GALE: variants seen among roughly 807,000 people sequenced by gnomAD.
GALE encodes UDP-glucose 4-epimerase.
A neutral mutation model predicts 44.1 loss-of-function variants in GALE; 32 were observed. That is an observed-to-expected ratio of 0.73 (90% CI 0.55 to 0.97). The LOEUF (loss-of-function observed/expected upper bound fraction) is 0.97, where lower values mean the gene tolerates loss of function less well. Ranked by LOEUF, GALE falls within the 50% of genes least tolerant of loss-of-function variation. The pLI, the probability that GALE is intolerant of heterozygous loss-of-function variation, is 0.00. For missense variants in GALE, 423 were observed against 455.6 expected (o/e 0.93, Z 0.65); for synonymous variants, 182 against 183.5 (o/e 0.99, Z 0.06).
chr1:23,797,761 G>T lies in GALE; in HGVS notation c.462C>A (p.Thr154=). Residue 154 remains threonine, a synonymous_variant, in exon 6 of 12, where the codon ACC becomes ACA. Coordinates refer to ENST00000617979, the MANE Select transcript of GALE (RefSeq NM_001008216.2). ...AGAACTTGGACTTGCCGTAAGGGTT[G>T]GTACAACCACCCGTGGGGTGGGCCT... is the stretch of plus-strand genomic sequence containing the variant. ...LDEAHPTGGC[T]NPYGKSKFFI... 2 of 1,614,160 alleles carry T rather than the reference G, an allele frequency of 1.2e-6. No homozygotes were observed. The highest frequency in any genetic ancestry group is 1.7e-6 in the Non-Finnish European group (2 of 1,179,998).
At position 23,795,751 on chromosome 1, in the gene GALE, A is replaced by G. The variant is rs539815479; in HGVS notation, c.*198T>C. The G allele has an allele frequency of 1.3e-4, 83 of 624,728 alleles. No homozygotes were observed. In the African/African-American group the frequency reaches 1.4e-3, roughly 11 times the overall value. 38.7% of individuals were successfully genotyped at this position (624,728 alleles called of 1,614,324 possible). ...CCTGATGAACTCTTGGACCCTGTGG[A>G]AGATAAGAGTTAGAGACCTCGGCCT... is the stretch of plus-strand genomic sequence containing the variant. On this transcript the variant is annotated 3_prime_UTR_variant, in exon 12 of 12. Coordinates refer to ENST00000617979, the MANE Select transcript of GALE (RefSeq NM_001008216.2).
At position 23,798,759 on chromosome 1, in the gene GALE, C is replaced by A. The variant is rs761451513; in HGVS notation, c.122-29G>T. The stretch of plus-strand genomic sequence containing the variant: ...GTAGGGTACATGTAGGCCACATCAT[C>A]ACGACATGGGGTGCTGTGTTCCCAG... On this transcript the variant is annotated intron_variant, in intron 3 of 11. Transcript: ENST00000617979. This position sits in a 1 kb window ranked among gnomAD's most constrained non-coding sequence, Gnocchi z 4.5. 6.2e-7 allele frequency: 1 copy of A among 1,609,190 alleles called. No individual in the cohort carries two copies.
chr1:23,800,285 C>A (rs1260471228), intron 1 of GALE: 2 of 153,008 alleles, frequency 1.3e-5, no homozygotes, highest in South Asian at 1.8e-4. Context: ...CGCCCCCGCC[C>A]CCGCCCCGCG....
chr1:23,795,658 T>C lies in GALE; in HGVS notation c.*291A>G, dbSNP rs938324754. ...ACTTTGGAAAGCTCTTTCAGAGCAATATAAATGAGTGCCTGGGAGGAGGAG... is the reference window on the plus strand; with the variant it reads ...ACTTTGGAAAGCTCTTTCAGAGCAACATAAATGAGTGCCTGGGAGGAGGAG... On this transcript the variant is annotated 3_prime_UTR_variant, in exon 12 of 12. Transcript: ENST00000617979. 8 of 568,592 alleles carry C rather than the reference T, an allele frequency of 1.4e-5. No individual in the cohort carries two copies. The highest frequency in any genetic ancestry group is 9.4e-5 in the African/African-American group (5 of 53,260). The allele number at this position is 568,592 out of a possible 1,614,324, so 35.2% of individuals were successfully genotyped here. A position where few individuals can be genotyped will look rare whatever the true frequency, so the allele number is the denominator to read the frequency against.
intron 6 of GALE, 38 bp from the exon 7 acceptor site, chr1:23,797,185 A>AG (rs1638987476): frequency 1.4e-6 from 2 of 1,437,116 alleles, no homozygotes; most frequent in African/African-American, 2.8e-5. Context: ...CCAGAGGCAC[A>AG]GGCAGCGTGT....
Position 23,798,052 on chromosome 1 carries a change from G to T in GALE, c.351+65C>A. 7.0e-7 allele frequency: 1 copy of T among 1,420,318 alleles called. No individual in the cohort carries two copies. Among genetic ancestry groups the T allele is most frequent in the Non-Finnish European group, 1.0e-6 (1 of 1,003,126 alleles). 88.0% of individuals were successfully genotyped at this position (1,420,318 alleles called of 1,614,324 possible). On this transcript the variant is annotated intron_variant, in intron 5 of 11. Coordinates refer to ENST00000617979, the MANE Select transcript of GALE (RefSeq NM_001008216.2). This position sits in a 1 kb window ranked among gnomAD's most constrained non-coding sequence, Gnocchi z 4.5. ...CAGCTTGGGCTCTGTGTTTGGCACTGCCTGCCAGGCTGGGGTCCAGCTGGA... is the reference window on the plus strand; with the variant it reads ...CAGCTTGGGCTCTGTGTTTGGCACTTCCTGCCAGGCTGGGGTCCAGCTGGA...
At position 23,795,705 on chromosome 1, in the gene GALE, C is replaced by G. The variant is rs2148408463; in HGVS notation, c.*244G>C. On this transcript the variant is annotated 3_prime_UTR_variant, in exon 12 of 12. Transcript: ENST00000617979. Reference sequence around the variant, plus strand: ...GGAGGTTTTGTGCCAGAGCCTTGCCCCCTCACTCACTCTTGGGGGTCCTGA... The same window carrying G: ...GGAGGTTTTGTGCCAGAGCCTTGCCGCCTCACTCACTCTTGGGGGTCCTGA... 1 of 595,352 alleles carries G rather than the reference C, an allele frequency of 1.7e-6. No individual in the cohort carries two copies. Among genetic ancestry groups the G allele is most frequent in the East Asian group, 2.8e-5 (1 of 35,832 alleles). 36.9% of individuals were successfully genotyped at this position (595,352 alleles called of 1,614,324 possible).
rs200873266 is a variant in GALE at position 23,798,881 on chromosome 1, G to A, written c.121+6C>T. On this transcript the variant is annotated splice_donor_region_variant and intron_variant, in intron 3 of 11. Transcript: ENST00000617979. The surrounding 1 kb of genome is among the most constrained non-coding windows in gnomAD (Gnocchi z 4.5). ...CAAGTAGCCCCAGCCCCACTGCCCC[G>A]CTCACCACGGAAGGCATTATGGAAG... 3.9e-5 allele frequency: 63 copies of A among 1,614,096 alleles called. No individual in the cohort carries two copies. The African/African-American group carries it at 6.9e-4, about 18-fold the overall frequency.
Position 23,796,343 on chromosome 1 carries a change from G to A in GALE, c.874-78C>T. The stretch of plus-strand genomic sequence containing the variant: ...CTGGCCAGGTCTTTAAGAAGCAGAA[G>A]TGCAGAGCAGCGGCTGGCCCGCAGG... On this transcript the variant is annotated intron_variant, in intron 10 of 11. Coordinates refer to ENST00000617979, the MANE Select transcript of GALE (RefSeq NM_001008216.2). This position sits in a 1 kb window ranked among gnomAD's most constrained non-coding sequence, Gnocchi z 5.2. 6.7e-7 allele frequency: 1 copy of A among 1,489,190 alleles called. No homozygotes were observed. Among genetic ancestry groups the A allele is most frequent in the South Asian group, 1.1e-5 (1 of 88,256 alleles). 92.2% of individuals were successfully genotyped at this position (1,489,190 alleles called of 1,614,324 possible).
In GALE at chr1:23,798,800, A is replaced by G; in HGVS notation, c.122-70T>C. The G allele has an allele frequency of 1.9e-6, 3 of 1,610,942 alleles. No homozygotes were observed. The highest frequency in any genetic ancestry group is 2.5e-6 in the Non-Finnish European group (3 of 1,177,086). On this transcript the variant is annotated intron_variant, in intron 3 of 11. Coordinates refer to ENST00000617979, the MANE Select transcript of GALE (RefSeq NM_001008216.2). This position sits in a 1 kb window ranked among gnomAD's most constrained non-coding sequence, Gnocchi z 4.5. ...GTGTTCCCAGGGACTAGCCAGACAC[A>G]CATTCCCCGCCCGGTGGTGGAGGTG...
Position 23,796,604 on chromosome 1 carries a change from G to C in GALE, c.796-18C>G. On this transcript the variant is annotated intron_variant, in intron 9 of 11. Transcript: ENST00000617979. This position sits in a 1 kb window ranked among gnomAD's most constrained non-coding sequence, Gnocchi z 5.2. The stretch of plus-strand genomic sequence containing the variant: ...TTGTAGATCTGGCCCACGGAGAACA[G>C]GGTTTATGGAGCGGGCTGGACTGAC... 6.2e-7 allele frequency: 1 copy of C among 1,614,024 alleles called. No individual in the cohort carries two copies. Among genetic ancestry groups the C allele is most frequent in the Non-Finnish European group, 8.5e-7 (1 of 1,179,980 alleles).
At position 23,796,233 on chromosome 1, in the gene GALE, A is replaced by G; in HGVS notation, c.906T>C (p.Gly302=). The change falls in exon 11 of 12, where the codon GGT becomes GGC. Residue 302 remains glycine, a synonymous_variant. Coordinates refer to ENST00000617979, the MANE Select transcript of GALE (RefSeq NM_001008216.2). This position sits in a 1 kb window ranked among gnomAD's most constrained non-coding sequence, Gnocchi z 5.2. ...IPYKVVARRE[G]DVAACYANPS... ...GGTTGGCGTAACAGGCTGCCACATC[A>G]CCTTCCCGCCGTGCCACCACCTTGT... 1.9e-6 allele frequency: 3 copies of G among 1,612,646 alleles called. No individual in the cohort carries two copies. The highest frequency in any genetic ancestry group is 2.5e-6 in the Non-Finnish European group (3 of 1,179,280).
At position 23,796,139 on chromosome 1, in the gene GALE, G is replaced by A. The variant is rs1417359478; in HGVS notation, c.988+12C>T. On this transcript the variant is annotated intron_variant, in intron 11 of 11. Coordinates refer to ENST00000617979, the MANE Select transcript of GALE (RefSeq NM_001008216.2). The surrounding 1 kb of genome is among the most constrained non-coding windows in gnomAD (Gnocchi z 5.2). ...CCTGGCCCCTAACTGCAGGGGTCAG[G>A]CCAGCACTCACACATCCTGTCCAGC... The A allele has an allele frequency of 7.5e-6, 12 of 1,610,150 alleles. No individual in the cohort carries two copies. Among genetic ancestry groups the A allele is most frequent in the Non-Finnish European group, 1.0e-5 (12 of 1,176,462 alleles).
In GALE at chr1:23,795,885, T is replaced by C; in HGVS notation, c.*64A>G. The C allele has an allele frequency of 6.6e-7, 1 of 1,516,350 alleles. No homozygotes were observed. The highest frequency in any genetic ancestry group is 9.1e-7 in the Non-Finnish European group (1 of 1,095,000). 93.9% of individuals were successfully genotyped at this position (1,516,350 alleles called of 1,614,324 possible). On this transcript the variant is annotated 3_prime_UTR_variant, in exon 12 of 12. Coordinates refer to ENST00000617979, the MANE Select transcript of GALE (RefSeq NM_001008216.2). The stretch of plus-strand genomic sequence containing the variant: ...GCCCCAGCAGCTCCAGGGCCCTGAG[T>C]TCCTGCCAGAGGCTGGAGAGCAGGC...
rs776699780 is a variant in GALE, at chr1:23,796,860, C to T, written c.709+16G>A. On this transcript the variant is annotated intron_variant, in intron 8 of 11. Transcript: ENST00000617979. This position sits in a 1 kb window ranked among gnomAD's most constrained non-coding sequence, Gnocchi z 5.2. The stretch of plus-strand genomic sequence containing the variant: ...TCCTGGCTCCCACTCCTAGGTCCCC[C>T]TGGTCCTAGGCTCACCTGTGCCATC... 1 of 1,612,492 alleles carries T rather than the reference C, an allele frequency of 6.2e-7. No individual in the cohort carries two copies. Among genetic ancestry groups the T allele is most frequent in the Non-Finnish European group, 8.5e-7 (1 of 1,179,212 alleles).
rs1238153374 is a variant in GALE at position 23,796,908 on chromosome 1, A to C, written c.677T>G (p.Phe226Cys). ...AIGRREALNV[F>C]GNDYDTEDGT... The stretch of plus-strand genomic sequence containing the variant: ...ATCCTCTGTGTCATAGTCATTGCCA[A>C]AGACATTCAGGGCCTCCCGTCGCCC... The change falls in exon 8 of 12, where the codon TTT (phenylalanine) becomes TGT (cysteine). Residue 226 changes from phenylalanine (F) to cysteine (C), a missense_variant. By Grantham distance (205) the Phe-to-Cys change is radical (BLOSUM62 -2). Coordinates refer to ENST00000617979, the MANE Select transcript of GALE (RefSeq NM_001008216.2). This position sits in a 1 kb window ranked among gnomAD's most constrained non-coding sequence, Gnocchi z 5.2. The C allele has an allele frequency of 2.5e-6, 4 of 1,613,716 alleles. No individual in the cohort carries two copies. The highest frequency in any genetic ancestry group is 3.4e-6 in the Non-Finnish European group (4 of 1,179,878).
intron 2 of GALE, 165 bp from the exon 3 acceptor site, chr1:23,799,177 C>T: frequency 1.2e-6 from 1 of 806,188 alleles, no homozygotes. Context: ...GGTACCATCA[C>T]TTTCTGGCCT....
At position 23,798,025 on chromosome 1, in the gene GALE, T is replaced by C; in HGVS notation, c.351+92A>G. ...AGGTAAAGACATGAGTCCAGGATGATACAGCTTGGGCTCTGTGTTTGGCAC... is the reference window on the plus strand; with the variant it reads ...AGGTAAAGACATGAGTCCAGGATGACACAGCTTGGGCTCTGTGTTTGGCAC... On this transcript the variant is annotated intron_variant, in intron 5 of 11. Transcript: ENST00000617979. The surrounding 1 kb of genome is among the most constrained non-coding windows in gnomAD (Gnocchi z 4.5). 7.5e-7 allele frequency: 1 copy of C among 1,324,638 alleles called. No homozygotes were observed. Among genetic ancestry groups the C allele is most frequent in the Non-Finnish European group, 1.1e-6 (1 of 916,036 alleles). 82.1% of individuals were successfully genotyped at this position (1,324,638 alleles called of 1,614,324 possible).
In GALE at chr1:23,796,113, CCCTGGCCCCTA is replaced by C; in HGVS notation, c.988+27_988+37del. 1 of 1,604,398 alleles carries C rather than the reference CCCTGGCCCCTA, an allele frequency of 6.2e-7. No homozygotes were observed. The highest frequency in any genetic ancestry group is 8.5e-7 in the Non-Finnish European group (1 of 1,171,304). ...CATGCCCAGATCTGATTTAGCCCCTCCCTGGCCCCTAACTGCAGGGGTCAGGCCAGCACTCA... is the reference window on the plus strand; with the variant it reads ...CATGCCCAGATCTGATTTAGCCCCTCACTGCAGGGGTCAGGCCAGCACTCA... On this transcript the variant is annotated intron_variant, in intron 11 of 11. Transcript: ENST00000617979. This position sits in a 1 kb window ranked among gnomAD's most constrained non-coding sequence, Gnocchi z 5.2.
Sources: allele counts gnomAD v4.1 joint callset, GRCh38; gene constraint gnomAD v4.1.1; non-coding constraint Gnocchi (gnomAD v3.1); transcripts MANE v1.5; gene names NCBI Gene and HGNC (gene_info 2026-07-23, HGNC 2026-07-21).